The following EXD3 variants were observed in gnomAD, a reference collection of about 807,000 sequenced individuals.
EXD3 encodes the protein exonuclease mut-7 homolog.
Under a neutral mutation model 98.0 loss-of-function variants are expected in EXD3, and 92 were observed. The observed-to-expected ratio is 0.94, with a 90% CI of 0.79 to 1.12. The LOEUF (loss-of-function observed/expected upper bound fraction) is 1.12. EXD3 is among the 50% of genes most tolerant of loss of function. The pLI is 0.00. For synonymous variants in EXD3, 569 were observed against 526.0 expected, an observed-to-expected ratio of 1.08 and a Z score of -1.12; for missense variants, 1,222 against 1,191.6, an observed-to-expected ratio of 1.03 and a Z score of -0.38.
In EXD3 at chr9:137,323,716, A is replaced by G. The variant is rs370729431; in HGVS notation, c.2184+9T>C. The G allele has an allele frequency of 4.2e-5, 67 of 1,611,334 alleles. No individual in the cohort carries two copies. In the African/African-American group the frequency reaches 8.9e-4, roughly 22 times the overall value. On this transcript the variant is annotated intron_variant, in intron 19 of 21. Transcript: ENST00000340951. ...CAGCCCCAGGTAGGACGGGGTGCGC[A>G]GGACCCACCTGGCAGCGGCTGAAGA...
At chr9:137,309,274 C>T (rs75211086) in intron 20 of EXD3, among the ~76,000 whole-genome samples, 3 of 152,068 alleles carry the variant, frequency 2.0e-5, no homozygotes, top group Non-Finnish European at 2.9e-5. Context: ...TGTAGGTGCA[C>T]GTGTGTGTGT....
Position 137,346,238 on chromosome 9 carries a change from C to CAAAAAAAAAAAAAAAAAAAAAAAAA in EXD3, c.1998+1808_1998+1832dup, listed in dbSNP as rs563761495. Among the ~76,000 whole-genome samples, 11 of 13,616 alleles carry CAAAAAAAAAAAAAAAAAAAAAAAAA rather than the reference C, an allele frequency of 8.1e-4. 1 individual carries two copies. Among genetic ancestry groups the CAAAAAAAAAAAAAAAAAAAAAAAAA allele is most frequent in the African/African-American group, 2.0e-3 (7 of 3,510 alleles). 8.9% of individuals were successfully genotyped at this position (13,616 alleles called of 152,430 possible). A position where few individuals can be genotyped will look rare whatever the true frequency, so the allele number is the denominator to read the frequency against. The stretch of plus-strand genomic sequence containing the variant: ...TGGGAGACAGAGCAAGACTCCGTCT[C>CAAAAAAAAAAAAAAAAAAAAAAAAA]AAAAAAAAAAAAAAAAAAAAAAAAA... On this transcript the variant is annotated intron_variant, in intron 17 of 21. Coordinates refer to ENST00000340951, the MANE Select transcript of EXD3 (RefSeq NM_017820.5).
chr9:137,406,685 C>A (rs1389202499), intron 1 of EXD3, among the ~76,000 whole-genome samples: 1 of 152,222 alleles, frequency 6.6e-6, no homozygotes, highest in Admixed American at 6.5e-5. Flanking sequence ...CCACCACCTC[C>A]ATTCCCACGG....
intron 10 of EXD3, chr9:137,353,567 T>C (rs1042847170): frequency 3.0e-6 from 3 of 985,506 alleles, no homozygotes; most frequent in Non-Finnish European, 3.6e-6. Context: ...CTGAGAAACC[T>C]CATCCTCACC....
intron 17 of EXD3, among the ~76,000 whole-genome samples, chr9:137,329,608 C>CACACGGGACT (rs1832835919): frequency 9.3e-4 from 2 of 2,152 alleles, no homozygotes; most frequent in Non-Finnish European, 1.6e-3. Flanking sequence ...TACACGGGGT[C>CACACGGGACT]ACACGGGACT....
In EXD3 at chr9:137,347,345, A is replaced by C. The variant is rs1367908113; in HGVS notation, c.1998+726T>G. On this transcript the variant is annotated intron_variant, in intron 17 of 21. Transcript: ENST00000340951. This position sits in a 1 kb window ranked among gnomAD's most constrained non-coding sequence, Gnocchi z 4.2. ...CTGGCTGCTTGTGGCTGTTGGACTG[A>C]GGTTTCCTTGTGCGGCGTCCTCCAT... Among the ~76,000 whole-genome samples the C allele has an allele frequency of 2.0e-5, 3 of 151,908 alleles. No individual in the cohort carries two copies. The highest frequency in any genetic ancestry group is 1.3e-4 in the Admixed American group (2 of 15,258).
At chr9:137,415,479 CCA>C (rs1363643670) in intron 1 of EXD3, among the ~76,000 whole-genome samples, 1 of 152,206 alleles carries the variant, frequency 6.6e-6, no homozygotes, top group Non-Finnish European at 1.5e-5. Flanking sequence ...CAGGCAGGAG[CCA>C]CTGCTCCTGC....
intron 1 of EXD3, among the ~76,000 whole-genome samples, chr9:137,404,113 C>T (rs981351700): frequency 6.6e-5 from 10 of 152,196 alleles, no homozygotes. Flanking sequence ...CCTGATCTCC[C>T]CTTCTTGTGG....
intron 2 of EXD3, chr9:137,391,912 T>C (rs917245315): frequency 6.6e-6 from 1 of 151,842 alleles, no homozygotes; most frequent in Non-Finnish European, 1.5e-5. Flanking sequence ...GCCTCCAGGG[T>C]TCAAGCAGTT....
chr9:137,406,056 GA>G (rs929236037), intron 1 of EXD3, among the ~76,000 whole-genome samples: 25 of 149,486 alleles, frequency 1.7e-4, no homozygotes, highest in African/African-American at 4.9e-4. Flanking sequence ...CCCATCCTAT[GA>G]AAAAAAAAAT....
intron 17 of EXD3, among the ~76,000 whole-genome samples, chr9:137,329,566 A>G (rs377331338): frequency 8.5e-4 from 20 of 23,434 alleles, no homozygotes; most frequent in South Asian, 1.9e-3. Context: ...ACTACACGGG[A>G]CTACACGGGG....
intron 11 of EXD3, 106 bp from the exon 12 acceptor site, chr9:137,352,307 A>C: frequency 3.4e-6 from 5 of 1,479,398 alleles, no homozygotes; most frequent in Non-Finnish European, 4.6e-6. Flanking sequence ...GGGGCATCTC[A>C]GGTCCTGGCT....
intron 17 of EXD3, among the ~76,000 whole-genome samples, chr9:137,342,346 G>C (rs1833691299): frequency 1.4e-5 from 2 of 144,834 alleles, no homozygotes; most frequent in African/African-American, 5.2e-5. Context: ...TCTCCCAGGG[G>C]AGTCAGAGGA....
At chr9:137,319,795 C>T (rs1831928173) in intron 19 of EXD3, among the ~76,000 whole-genome samples, 1 of 152,210 alleles carries the variant, frequency 6.6e-6, no homozygotes, top group Non-Finnish European at 1.5e-5. Context: ...TTCTCATAGA[C>T]CCCTTTCTTG....
At chr9:137,401,209 A>G (rs1448121547) in intron 1 of EXD3, among the ~76,000 whole-genome samples, 1 of 136,420 alleles carries the variant, frequency 7.3e-6, no homozygotes. Flanking sequence ...GCTGGAGTGC[A>G]GTGGCGCGAT....
At chr9:137,343,321 G>A (rs1371157784) in intron 17 of EXD3, 2 of 152,140 alleles carry the variant, frequency 1.3e-5, no homozygotes, top group Non-Finnish European at 2.9e-5. Context: ...CAGGGAATAA[G>A]GGCTTCTTCT....
chr9:137,420,743 C>G (rs76749463), intron 1 of EXD3, among the ~76,000 whole-genome samples: 3 of 147,534 alleles, frequency 2.0e-5, no homozygotes, highest in African/African-American at 2.5e-5. Context: ...ATTCACCCCC[C>G]CCCCCAAATT....
chr9:137,337,210 T>A (rs1373105657), intron 17 of EXD3, among the ~76,000 whole-genome samples: 1 of 152,182 alleles, frequency 6.6e-6, no homozygotes, highest in Non-Finnish European at 1.5e-5. Flanking sequence ...AGAATTCTAA[T>A]AATAATATGC....
chr9:137,352,013 C>T, intron 12 of EXD3, 53 bp downstream of exon 12: 76 of 1,556,660 alleles, frequency 4.9e-5, no homozygotes, highest in Non-Finnish European at 6.4e-5. Context: ...TCCTCCAGTG[C>T]CTGGCAGGGG....
Sources: allele counts gnomAD v4.1 joint callset (sites outside exome capture counted in the v4.1 genomes callset), GRCh38; gene constraint gnomAD v4.1.1; non-coding constraint Gnocchi (gnomAD v3.1); transcripts MANE v1.5; gene names NCBI Gene and HGNC (gene_info 2026-07-23, HGNC 2026-07-21).